NCOA2: variants seen among roughly 807,000 people sequenced by gnomAD.
NCOA2 encodes class E basic helix-loop-helix protein 75.
In NCOA2, 21 loss-of-function variants were observed where a neutral mutation model predicts 145.1. The ratio of observed to expected loss-of-function variants is 0.14; its 90% CI spans 0.10 to 0.21. NCOA2 has a LOEUF of 0.21. Ranked by LOEUF, NCOA2 falls within the 10% of genes least tolerant of loss-of-function variation. The pLI, the probability that NCOA2 is intolerant of heterozygous loss-of-function variation, is 1.00. For synonymous variants in NCOA2, 619 were observed against 637.5 expected (o/e 0.97, Z 0.44); for missense variants, 1,472 against 1,837.6 (o/e 0.80, Z 3.64).
rs548704639 is a variant in NCOA2, at chr8:70,184,843, G to A, written c.260-9984C>T. ...GCTTCACCTTAATGGTGGCTATCTG[G>A]AGGGGTGTCTCTCAAGGCTTCGAAA... On this transcript the variant is annotated intron_variant, in intron 4 of 22. Coordinates refer to ENST00000452400, the MANE Select transcript of NCOA2 (RefSeq NM_006540.4). Among the ~76,000 whole-genome samples the A allele has an allele frequency of 2.2e-4, 33 of 152,274 alleles. 1 individual carries two copies. The highest frequency in any genetic ancestry group is 2.9e-4 in the African/African-American group (12 of 41,566).
the NCOA2 span, among the ~76,000 whole-genome samples, chr8:70,445,984 G>T: frequency 2.6e-5 from 4 of 151,630 alleles, no homozygotes; most frequent in African/African-American, 7.3e-5. Context: ...CCCTTCCCAT[G>T]CCTAGAAATT....
chr8:70,451,259 T>TATA, the NCOA2 span, among the ~76,000 whole-genome samples: 1 of 132,220 alleles, frequency 7.6e-6, no homozygotes, highest in African/African-American at 2.9e-5. Flanking sequence ...TATATATAAA[T>TATA]TAGCCAGGCA....
At chr8:70,272,018 G>A (rs1825091100) in intron 2 of NCOA2, among the ~76,000 whole-genome samples, 2 of 152,120 alleles carry the variant, frequency 1.3e-5, no homozygotes, top group Non-Finnish European at 2.9e-5. Flanking sequence ...AATTACCAAA[G>A]TAAAAGAAAT....
chr8:70,213,562 T>C (rs1819275295), intron 4 of NCOA2, among the ~76,000 whole-genome samples: 1 of 152,212 alleles, frequency 6.6e-6, no homozygotes, highest in South Asian at 2.1e-4. Flanking sequence ...TCAATCTGGC[T>C]GCTACTTGCA....
chr8:70,233,332 T>C (rs1169151444), intron 2 of NCOA2, among the ~76,000 whole-genome samples: 1 of 152,220 alleles, frequency 6.6e-6, no homozygotes, highest in Admixed American at 6.5e-5. Context: ...CAGTGAAATG[T>C]ATGAATATTC....
chr8:70,340,187 T>C (rs767801629), intron 1 of NCOA2, among the ~76,000 whole-genome samples: 3 of 152,126 alleles, frequency 2.0e-5, no homozygotes, highest in African/African-American at 4.8e-5. Context: ...TGGTAATCTA[T>C]CTTTCTGACA....
At chr8:70,442,148 A>AAAGAAAGAAAGAAAGAAAGG in the NCOA2 span, among the ~76,000 whole-genome samples, 39 of 138,348 alleles carry the variant, frequency 2.8e-4, no homozygotes, top group Non-Finnish European at 4.2e-4. Context: ...AGAAAGAAAG[A>AAAGAAAGAAAGAAAGAAAGG]AAGAAAGAAA....
intron 15 of NCOA2, among the ~76,000 whole-genome samples, chr8:70,135,095 C>T (rs1339178308): frequency 6.6e-6 from 1 of 152,134 alleles, no homozygotes; most frequent in Non-Finnish European, 1.5e-5. Flanking sequence ...TTCATGCCTT[C>T]CCTGTGAGCT....
At chr8:70,216,347 C>T (rs973382909) in intron 3 of NCOA2, among the ~76,000 whole-genome samples, 24 of 152,102 alleles carry the variant, frequency 1.6e-4, no homozygotes, top group African/African-American at 4.6e-4. Flanking sequence ...ATAAAATTAA[C>T]GGCAAATCCT....
chr8:70,130,916 A>G (rs1214452373), intron 16 of NCOA2, among the ~76,000 whole-genome samples: 1 of 152,244 alleles, frequency 6.6e-6, no homozygotes, highest in Non-Finnish European at 1.5e-5. Flanking sequence ...CAGTCAGTTC[A>G]GATAGTGTTT....
rs1415692564 is a variant in NCOA2, at chr8:70,149,375, C to T, written c.2395-892G>A. On this transcript the variant is annotated intron_variant, in intron 11 of 22. Transcript: ENST00000452400. Reference sequence around the variant, plus strand: ...TGAGCCTCCTCAGTAGCTGGGACCACAGGCATGCACCACCACCACCATGTC... The same window carrying T: ...TGAGCCTCCTCAGTAGCTGGGACCATAGGCATGCACCACCACCACCATGTC... Among the ~76,000 whole-genome samples, 5 of 149,218 alleles carry T rather than the reference C, an allele frequency of 3.4e-5. No individual in the cohort carries two copies. The Middle Eastern group carries it at 0.017, about 511-fold the overall frequency.
At chr8:70,438,610 G>T in the NCOA2 span, among the ~76,000 whole-genome samples, 1 of 152,136 alleles carries the variant, frequency 6.6e-6, no homozygotes, top group Non-Finnish European at 1.5e-5. Flanking sequence ...TGACTGTTGG[G>T]AAAATTTTAA....
At chr8:70,380,276 T>C (rs1812066385) in intron 1 of NCOA2, among the ~76,000 whole-genome samples, 2 of 152,174 alleles carry the variant, frequency 1.3e-5, no homozygotes, top group Non-Finnish European at 2.9e-5. Context: ...CACTTCATAA[T>C]ACTTTTGTAA....
At chr8:70,317,758 G>A (rs1805722454) in intron 1 of NCOA2, among the ~76,000 whole-genome samples, 1 of 152,066 alleles carries the variant, frequency 6.6e-6, no homozygotes, top group Admixed American at 6.6e-5. Context: ...TTGGTATGTA[G>A]AAGCTTCTAA....
At chr8:70,448,738 GA>G in the NCOA2 span, among the ~76,000 whole-genome samples, 1 of 151,180 alleles carries the variant, frequency 6.6e-6, no homozygotes, top group African/African-American at 2.4e-5. Context: ...GCACAGAAAA[GA>G]ATATACTTAA....
intron 2 of NCOA2, among the ~76,000 whole-genome samples, chr8:70,292,551 A>G: frequency 8.4e-6 from 1 of 118,866 alleles, no homozygotes; most frequent in South Asian, 4.2e-4. Flanking sequence ...CATCTCAGGA[A>G]AAAAAAAAAA....
chr8:70,277,779 T>A (rs1009808000), intron 2 of NCOA2, among the ~76,000 whole-genome samples: 3 of 152,164 alleles, frequency 2.0e-5, no homozygotes. Flanking sequence ...CATTTAAATT[T>A]TTTCCAGTTT....
Position 70,296,769 on chromosome 8 carries a change from T to A in NCOA2, c.-45A>T, listed in dbSNP as rs1454902620. 1 of 152,166 alleles carries A rather than the reference T, an allele frequency of 6.6e-6. No individual in the cohort carries two copies. Among genetic ancestry groups the A allele is most frequent in the East Asian group, 1.9e-4 (1 of 5,190 alleles). 9.4% of individuals were successfully genotyped at this position (152,166 alleles called of 1,614,324 possible). Reference sequence around the variant, plus strand: ...CTGTGCCTGTAAACAGTGCAGAAGATCTATAAGTGTGTAGCCAAATCCAAG... The same window carrying A: ...CTGTGCCTGTAAACAGTGCAGAAGAACTATAAGTGTGTAGCCAAATCCAAG... On this transcript the variant is annotated 5_prime_UTR_variant, in exon 2 of 23. Transcript: ENST00000452400.
At chr8:70,274,206 A>G (rs990591357) in intron 2 of NCOA2, among the ~76,000 whole-genome samples, 21 of 117,874 alleles carry the variant, frequency 1.8e-4, no homozygotes, top group African/African-American at 3.2e-4. Flanking sequence ...TCATGTTTGG[A>G]AAAAAAAAAA....
Sources: allele counts gnomAD v4.1 joint callset (sites outside exome capture counted in the v4.1 genomes callset), GRCh38; gene constraint gnomAD v4.1.1; transcripts MANE v1.5; gene names NCBI Gene and HGNC (gene_info 2026-07-23, HGNC 2026-07-21).